Variants in LIF observed in about 807,000 individuals in gnomAD.
LIF encodes the protein leukemia inhibitory factor.
A neutral mutation model predicts 15.0 loss-of-function variants in LIF; 9 were observed. The ratio of observed to expected loss-of-function variants is 0.60; its 90% CI spans 0.36 to 1.04. LIF has a LOEUF of 1.04. LIF is among the 50% of genes least tolerant of loss of function. LIF has a pLI of 0.01. For missense variants in LIF, 240 were observed against 266.7 expected, an observed-to-expected ratio of 0.90 and a Z score of 0.70; for synonymous variants, 122 against 119.7, an observed-to-expected ratio of 1.02 and a Z score of -0.13.
At chr22:30,246,383 A>T in intron 1 of LIF, 1 of 818,402 alleles carries the variant, frequency 1.2e-6, no homozygotes, top group Admixed American at 4.9e-5. Context: ...GCAGCCAGCG[A>T]GTGTCCGGAG....
chr22:30,242,706 C>T lies in LIF; in HGVS notation c.*945G>A, dbSNP rs1005619718. ...ACCAGAGACGGCCTCCAGTCCCCCT[C>T]AAGTACCTCTGTGTGACCTCACAAG... On this transcript the variant is annotated 3_prime_UTR_variant, in exon 3 of 3. Transcript: ENST00000249075. 2 of 152,698 alleles carry T rather than the reference C, an allele frequency of 1.3e-5. No homozygotes were observed. Among genetic ancestry groups the T allele is most frequent in the African/African-American group, 2.4e-5 (1 of 41,408 alleles). 9.5% of individuals were successfully genotyped at this position (152,698 alleles called of 1,614,324 possible).
chr22:30,245,005 TG>T, intron 1 of LIF, 72 bp from the exon 2 acceptor site: 1 of 1,485,744 alleles, frequency 6.7e-7, no homozygotes, highest in East Asian at 2.3e-5. Context: ...GCACACCGGA[TG>T]GGGGTCCAAC....
Position 30,243,244 on chromosome 22 carries a change from G to A in LIF, c.*407C>T, listed in dbSNP as rs1366198221. 1.6e-5 allele frequency: 5 copies of A among 317,276 alleles called. No homozygotes were observed. The highest frequency in any genetic ancestry group is 2.4e-5 in the Non-Finnish European group (4 of 164,220). The allele number at this position is 317,276 out of a possible 1,614,324, so 19.7% of individuals were successfully genotyped here. A position where few individuals can be genotyped will look rare whatever the true frequency, so the allele number is the denominator to read the frequency against. On this transcript the variant is annotated 3_prime_UTR_variant, in exon 3 of 3. Transcript: ENST00000249075. This position sits in a 1 kb window ranked among gnomAD's most constrained non-coding sequence, Gnocchi z 6.0. ...CAACCTAAGGGGCAGCAAAGGCACAGATGGTGATAATTTGCTGGGGGCTGG... is the reference window on the plus strand; with the variant it reads ...CAACCTAAGGGGCAGCAAAGGCACAAATGGTGATAATTTGCTGGGGGCTGG...
intron 2 of LIF, among the ~76,000 whole-genome samples, chr22:30,244,262 C>T (rs186387140): frequency 6.5e-4 from 99 of 152,246 alleles, no homozygotes; most frequent in African/African-American, 2.3e-3. Flanking sequence ...AAAGACTGAG[C>T]CATGCACGCA....
At chr22:30,244,472 T>G (rs1364255220) in intron 2 of LIF, among the ~76,000 whole-genome samples, 1 of 151,904 alleles carries the variant, frequency 6.6e-6, no homozygotes, top group Non-Finnish European at 1.5e-5. Flanking sequence ...CCATTTCCCC[T>G]CCATCCCTCG....
chr22:30,243,720 C>A lies in LIF; in HGVS notation c.540G>T (p.Lys180Asn). 6.2e-7 allele frequency: 1 copy of A among 1,614,272 alleles called. No homozygotes were observed. The highest frequency in any genetic ancestry group is 1.1e-5 in the South Asian group (1 of 91,088). ...CCAGGAGTTGACAGCCCAGCTTCTT[C>A]TTCTGGAAGACATCCTTACCCGAGG... ...PDTSGKDVFQ[K>N]KKLGCQLLGK... Residue 180 changes from lysine to asparagine, a missense_variant, in exon 3 of 3, where the codon AAG (lysine) becomes AAT (asparagine). Coordinates refer to ENST00000249075, the MANE Select transcript of LIF (RefSeq NM_002309.5). This position sits in a 1 kb window ranked among gnomAD's most constrained non-coding sequence, Gnocchi z 6.0.
intron 1 of LIF, 70 bp from the exon 2 acceptor site, chr22:30,245,003 G>A (rs996192945): frequency 1.2e-5 from 18 of 1,489,080 alleles, no homozygotes; most frequent in Non-Finnish European, 1.5e-5. Context: ...TGGCACACCG[G>A]ATGGGGGTCC....
intron 2 of LIF, 150 bp downstream of exon 2, chr22:30,244,605 C>T (rs938867906): frequency 7.9e-6 from 6 of 760,652 alleles, no homozygotes; most frequent in African/African-American, 5.2e-5. Flanking sequence ...CAGGAAGTGG[C>T]GGGAGTCTGG....
At position 30,246,717 on chromosome 22, in the gene LIF, C is replaced by T. The variant is rs1928915552; in HGVS notation, c.-22G>A. On this transcript the variant is annotated 5_prime_UTR_variant, in exon 1 of 3. Transcript: ENST00000249075. ...TCATTATGGGCTGCACTTCAGAGGGCCTTGGAGGAAACCTCAGATGCCGGC... is the reference window on the plus strand; with the variant it reads ...TCATTATGGGCTGCACTTCAGAGGGTCTTGGAGGAAACCTCAGATGCCGGC... 5 of 1,553,974 alleles carry T rather than the reference C, an allele frequency of 3.2e-6. No individual in the cohort carries two copies. The highest frequency in any genetic ancestry group is 4.4e-6 in the Non-Finnish European group (5 of 1,147,742).
At chr22:30,245,331 C>A (rs554317824) in intron 1 of LIF, among the ~76,000 whole-genome samples, 1 of 152,138 alleles carries the variant, frequency 6.6e-6, no homozygotes, top group Admixed American at 6.5e-5. Flanking sequence ...AGAAAGGAGA[C>A]CCCTCTCTTC....
In LIF at chr22:30,242,400, G is replaced by A. The variant is rs185339048; in HGVS notation, c.*1251C>T. ...TCTCTCAGATCCGACCCTTCTCTGA[G>A]CTTCACCCGTAAGGCTTATTCCACT... On this transcript the variant is annotated 3_prime_UTR_variant, in exon 3 of 3. Transcript: ENST00000249075. 27 of 152,822 alleles carry A rather than the reference G, an allele frequency of 1.8e-4. No homozygotes were observed. The East Asian group carries it at 5.1e-3, about 29-fold the overall frequency. 9.5% of individuals were successfully genotyped at this position (152,822 alleles called of 1,614,324 possible).
At position 30,242,646 on chromosome 22, in the gene LIF, C is replaced by T. The variant is rs1255184539; in HGVS notation, c.*1005G>A. 2.0e-5 allele frequency: 3 copies of T among 152,708 alleles called. No individual in the cohort carries two copies. The highest frequency in any genetic ancestry group is 7.2e-5 in the African/African-American group (3 of 41,412). The allele number at this position is 152,708 out of a possible 1,614,324, so 9.5% of individuals were successfully genotyped here. On this transcript the variant is annotated 3_prime_UTR_variant, in exon 3 of 3. Transcript: ENST00000249075. ...TTGGAGCTCAGGGTTCCCTGAGACC[C>T]TGACCCTAAGTTCTGCTGTTCCCTT...
intron 1 of LIF, among the ~76,000 whole-genome samples, chr22:30,245,909 G>T (rs966787549): frequency 6.6e-6 from 1 of 152,144 alleles, no homozygotes; most frequent in Admixed American, 6.5e-5. Context: ...CCCCCAGGGG[G>T]GCCTGTTCTC....
At position 30,242,442 on chromosome 22, in the gene LIF, T is replaced by C. The variant is rs1306683595; in HGVS notation, c.*1209A>G. 2 of 152,662 alleles carry C rather than the reference T, an allele frequency of 1.3e-5. No individual in the cohort carries two copies. Among genetic ancestry groups the C allele is most frequent in the African/African-American group, 4.8e-5 (2 of 41,396 alleles). 9.5% of individuals were successfully genotyped at this position (152,662 alleles called of 1,614,324 possible). A position where few individuals can be genotyped will look rare whatever the true frequency, so the allele number is the denominator to read the frequency against. On this transcript the variant is annotated 3_prime_UTR_variant, in exon 3 of 3. Transcript: ENST00000249075. The stretch of plus-strand genomic sequence containing the variant: ...TATTCCACTTGTAACATTGTCGACT[T>C]CCAGACCAGGCCCTGCTAAGCCCTG...
intron 1 of LIF, 31 bp downstream of exon 1, chr22:30,246,646 C>T (rs1412715473): frequency 6.5e-7 from 1 of 1,548,266 alleles, no homozygotes; most frequent in Non-Finnish European, 8.7e-7. Flanking sequence ...GCAGCGGGGA[C>T]GCGAAGCCGG....
intron 1 of LIF, chr22:30,246,458 C>G: frequency 1.5e-5 from 18 of 1,214,016 alleles, no homozygotes; most frequent in Non-Finnish European, 1.8e-5. Context: ...TCGGCGCCCC[C>G]TCCCTCGCCG....
Position 30,242,618 on chromosome 22 carries a change from C to T in LIF, c.*1033G>A, listed in dbSNP as rs915929058. The T allele has an allele frequency of 1.3e-5, 2 of 152,676 alleles. No individual in the cohort carries two copies. The highest frequency in any genetic ancestry group is 2.9e-5 in the Non-Finnish European group (2 of 68,010). The allele number at this position is 152,676 out of a possible 1,614,324, so 9.5% of individuals were successfully genotyped here. A position where few individuals can be genotyped will look rare whatever the true frequency, so the allele number is the denominator to read the frequency against. On this transcript the variant is annotated 3_prime_UTR_variant, in exon 3 of 3. Coordinates refer to ENST00000249075, the MANE Select transcript of LIF (RefSeq NM_002309.5). Reference sequence around the variant, plus strand: ...ATCATGCCAGGTCAGACGCACAGCACGCTTGGAGCTCAGGGTTCCCTGAGA... The same window carrying T: ...ATCATGCCAGGTCAGACGCACAGCATGCTTGGAGCTCAGGGTTCCCTGAGA...
intron 1 of LIF, chr22:30,246,465 G>A: frequency 2.5e-6 from 3 of 1,214,096 alleles, no homozygotes; most frequent in Non-Finnish European, 3.1e-6. Flanking sequence ...CCCCTCCCTC[G>A]CCGCCAACCT....
In LIF at chr22:30,243,226, A is replaced by C; in HGVS notation, c.*425T>G. 1 of 289,212 alleles carries C rather than the reference A, an allele frequency of 3.5e-6. No homozygotes were observed. Among genetic ancestry groups the C allele is most frequent in the Non-Finnish European group, 6.7e-6 (1 of 148,424 alleles). 17.9% of individuals were successfully genotyped at this position (289,212 alleles called of 1,614,324 possible). On this transcript the variant is annotated 3_prime_UTR_variant, in exon 3 of 3. Transcript: ENST00000249075. This position sits in a 1 kb window ranked among gnomAD's most constrained non-coding sequence, Gnocchi z 6.0. ...TCTGGCCCACCTAAGTCCCAACCTA[A>C]GGGGCAGCAAAGGCACAGATGGTGA...
Sources: allele counts gnomAD v4.1 joint callset (sites outside exome capture counted in the v4.1 genomes callset), GRCh38; gene constraint gnomAD v4.1.1; non-coding constraint Gnocchi (gnomAD v3.1); transcripts MANE v1.5; gene names NCBI Gene and HGNC (gene_info 2026-07-23, HGNC 2026-07-21).